Variants in MICU1 observed in about 807,000 individuals in gnomAD.
MICU1 encodes mitochondrial calcium uptake 1, also known as calcium uptake protein 1, mitochondrial.
In MICU1, 45 loss-of-function variants were observed where a neutral mutation model predicts 56.8. The ratio of observed to expected loss-of-function variants is 0.79; its 90% CI spans 0.62 to 1.02. The LOEUF (loss-of-function observed/expected upper bound fraction) is 1.02. Ranked by LOEUF, MICU1 falls within the 50% of genes least tolerant of loss-of-function variation. The pLI, the probability that MICU1 is intolerant of heterozygous loss-of-function variation, is 0.00. For missense variants in MICU1, 504 were observed against 587.1 expected, an observed-to-expected ratio of 0.86 and a Z score of 1.46; for synonymous variants, 186 against 195.1, an observed-to-expected ratio of 0.95 and a Z score of 0.39.
chr10:72,373,868 G>A (rs1862428768), intron 11 of MICU1, among the ~76,000 whole-genome samples: 1 of 152,186 alleles, frequency 6.6e-6, no homozygotes, highest in South Asian at 2.1e-4. Context: ...CAGCACTGCT[G>A]TGCATTAGAA....
Position 72,403,367 on chromosome 10 carries a change from T to A in MICU1, c.1180+4562A>T, listed in dbSNP as rs921764240. ...AGAAACTCTGTCTCAAAAAAAAAAATTTTTTTTTAATTTGAATTTTTAAAT... is the reference window on the plus strand; with the variant it reads ...AGAAACTCTGTCTCAAAAAAAAAAAATTTTTTTTAATTTGAATTTTTAAAT... On this transcript the variant is annotated intron_variant, in intron 10 of 11. Coordinates refer to ENST00000361114, the MANE Select transcript of MICU1 (RefSeq NM_001195518.2). Among the ~76,000 whole-genome samples the A allele has an allele frequency of 4.7e-4, 71 of 150,304 alleles. 1 individual carries two copies. Among genetic ancestry groups the A allele is most frequent in the African/African-American group, 1.4e-3 (58 of 41,112 alleles).
chr10:72,424,120 A>AC (rs1247043149), intron 8 of MICU1, among the ~76,000 whole-genome samples: 1 of 61,616 alleles, frequency 1.6e-5, no homozygotes, highest in African/African-American at 2.7e-5. Flanking sequence ...TTTCCCCCCC[A>AC]CCTTTTTTTT....
At chr10:72,612,716 C>T (rs1225424439) in intron 1 of MICU1, among the ~76,000 whole-genome samples, 3 of 151,854 alleles carry the variant, frequency 2.0e-5, no homozygotes, top group African/African-American at 7.3e-5. Context: ...CAGGAGGACC[C>T]TTTGAGCCTA....
At chr10:72,625,845 A>T (rs539902853) in intron 1 of MICU1, among the ~76,000 whole-genome samples, 165 bp downstream of exon 1, 1 of 152,318 alleles carries the variant, frequency 6.6e-6, no homozygotes, top group Admixed American at 6.5e-5. Context: ...TGAGCGCATC[A>T]GGGAGAGACA....
In MICU1 at chr10:72,615,098, T is replaced by C. The variant is rs990460264; in HGVS notation, c.-2+10912A>G. On this transcript the variant is annotated intron_variant, in intron 1 of 11. Transcript: ENST00000361114. ...TGATTGCTTCCTTGTGGTGTGGTTT[T>C]GTGTTTGTTTGTTTGTTTGTTTGTT... Among the ~76,000 whole-genome samples the C allele has an allele frequency of 2.3e-3, 187 of 81,486 alleles. 1 individual carries two copies. The highest frequency in any genetic ancestry group is 0.012 in the African/African-American group (168 of 14,106). The allele number at this position is 81,486 out of a possible 152,430, so 53.5% of individuals were successfully genotyped here. A position where few individuals can be genotyped will look rare whatever the true frequency, so the allele number is the denominator to read the frequency against.
intron 1 of MICU1, among the ~76,000 whole-genome samples, chr10:72,615,620 A>G (rs2132578630): frequency 6.6e-6 from 1 of 152,104 alleles, no homozygotes; most frequent in South Asian, 2.1e-4. Flanking sequence ...TGTATTTTTC[A>G]TCTCAGACAT....
At chr10:72,477,616 G>C (rs1866163864) in intron 6 of MICU1, 1 of 1,387,184 alleles carries the variant, frequency 7.2e-7, no homozygotes, top group South Asian at 1.2e-5. Flanking sequence ...GGGCAAGAAA[G>C]TATGTCTAGG....
chr10:72,404,739 T>C (rs1279020054), intron 10 of MICU1, among the ~76,000 whole-genome samples: 6 of 152,154 alleles, frequency 3.9e-5, no homozygotes, highest in Non-Finnish European at 8.8e-5. Context: ...AAACCTTACA[T>C]ATTTACTTAA....
intron 1 of MICU1, among the ~76,000 whole-genome samples, chr10:72,575,233 A>G (rs1025069394): frequency 4.6e-5 from 7 of 152,308 alleles, no homozygotes; most frequent in Non-Finnish European, 1.0e-4. Flanking sequence ...TGTAAGCAGC[A>G]GTCTCCTCTG....
intron 1 of MICU1, among the ~76,000 whole-genome samples, chr10:72,588,651 C>T (rs763288175): frequency 6.6e-6 from 1 of 152,154 alleles, no homozygotes; most frequent in Admixed American, 6.5e-5. Context: ...CGATAGTAAA[C>T]CTGGAAAACA....
chr10:72,551,454 G>T (rs1451180622), intron 3 of MICU1, 113 bp from the exon 4 acceptor site: 3 of 713,774 alleles, frequency 4.2e-6, no homozygotes, highest in Non-Finnish European at 6.0e-6. Flanking sequence ...ATTTTGGGAA[G>T]AAATTCTATC....
chr10:72,384,983 T>C (rs1862839007), intron 10 of MICU1, among the ~76,000 whole-genome samples: 1 of 152,140 alleles, frequency 6.6e-6, no homozygotes, highest in African/African-American at 2.4e-5. Flanking sequence ...TCCTGCCATG[T>C]CTTGGCTGTC....
intron 8 of MICU1, among the ~76,000 whole-genome samples, chr10:72,448,193 A>ATATTTTTTT (rs1172704084): frequency 5.4e-5 from 2 of 36,816 alleles, no homozygotes; most frequent in Non-Finnish European, 9.4e-5. Context: ...ATATATATAT[A>ATATTTTTTT]TTTTTTTTTT....
intron 10 of MICU1, among the ~76,000 whole-genome samples, chr10:72,405,101 G>A (rs1418743648): frequency 6.6e-6 from 1 of 151,932 alleles, no homozygotes; most frequent in Non-Finnish European, 1.5e-5. Flanking sequence ...TACAGATGGG[G>A]TTTCACCATG....
intron 2 of MICU1, 142 bp downstream of exon 2, chr10:72,566,491 T>C: frequency 3.6e-6 from 3 of 831,522 alleles, no homozygotes; most frequent in Non-Finnish European, 3.7e-6. Context: ...TCTTATTTCA[T>C]AGACGAATAT....
chr10:72,510,609 T>C (rs1194494569), intron 5 of MICU1, among the ~76,000 whole-genome samples: 1 of 152,126 alleles, frequency 6.6e-6, no homozygotes, highest in African/African-American at 2.4e-5. Context: ...CCAGGAAATT[T>C]AGTATTGATA....
chr10:72,471,247 G>A (rs1198979555), intron 8 of MICU1, among the ~76,000 whole-genome samples: 3 of 152,180 alleles, frequency 2.0e-5, no homozygotes, highest in Non-Finnish European at 4.4e-5. Flanking sequence ...ACCATGCCCA[G>A]CTAGTTTTTT....
chr10:72,387,604 A>G (rs561690918), intron 10 of MICU1, among the ~76,000 whole-genome samples: 15 of 152,288 alleles, frequency 9.8e-5, no homozygotes, highest in African/African-American at 2.9e-4. Flanking sequence ...AGGCAGAGAC[A>G]CCAATAATTT....
At chr10:72,392,552 C>G (rs1421141625) in intron 10 of MICU1, among the ~76,000 whole-genome samples, 1 of 152,094 alleles carries the variant, frequency 6.6e-6, no homozygotes, top group Non-Finnish European at 1.5e-5. Context: ...GTCTGGGTGA[C>G]AGAGTGAGAC....
Sources: allele counts gnomAD v4.1 joint callset (sites outside exome capture counted in the v4.1 genomes callset), GRCh38; gene constraint gnomAD v4.1.1; transcripts MANE v1.5; gene names NCBI Gene and HGNC (gene_info 2026-07-23, HGNC 2026-07-21).